The following EPSTI1 variants were observed in gnomAD, a reference collection of about 807,000 sequenced individuals.
EPSTI1 encodes the protein epithelial-stromal interaction protein 1.
In EPSTI1, 66 loss-of-function variants were observed where a neutral mutation model predicts 49.9. The ratio of observed to expected loss-of-function variants is 1.32; its 90% CI spans 1.08 to 1.62. The LOEUF (loss-of-function observed/expected upper bound fraction) is 1.62. Among genes scored for constraint, EPSTI1 ranks in the 40% most tolerant of loss-of-function variants. The pLI is 0.00. For synonymous variants in EPSTI1, 137 were observed against 130.7 expected (o/e 1.05, Z -0.33); for missense variants, 394 against 365.5 (o/e 1.08, Z -0.64).
At chr13:42,967,289 T>TAAAAAAAAAAAAAAA (rs747737457) in intron 3 of EPSTI1, among the ~76,000 whole-genome samples, 6 of 28,540 alleles carry the variant, frequency 2.1e-4, no homozygotes, top group Non-Finnish European at 3.1e-4. Context: ...AAAAATAAAT[T>TAAAAAAAAAAAAAAA]AAAAAAAAAA....
intron 6 of EPSTI1, among the ~76,000 whole-genome samples, chr13:42,949,082 T>C (rs959017184): frequency 6.6e-6 from 1 of 152,142 alleles, no homozygotes; most frequent in Non-Finnish European, 1.5e-5. Context: ...AATTCCAACC[T>C]GACTCCAGTA....
intron 7 of EPSTI1, among the ~76,000 whole-genome samples, chr13:42,921,739 A>G (rs2038002196): frequency 6.6e-6 from 1 of 152,128 alleles, no homozygotes; most frequent in African/African-American, 2.4e-5. Context: ...CCCTAGGTGA[A>G]TCCAGTGTGC....
intron 6 of EPSTI1, 98 bp from the exon 7 acceptor site, chr13:42,926,527 G>A: frequency 1.3e-6 from 1 of 770,456 alleles, no homozygotes; most frequent in South Asian, 1.4e-5. Flanking sequence ...TTTGGGTGAT[G>A]ATTAAAATTA....
intron 5 of EPSTI1, among the ~76,000 whole-genome samples, chr13:42,962,836 A>G (rs2039495654): frequency 6.6e-6 from 1 of 152,186 alleles, no homozygotes; most frequent in Non-Finnish European, 1.5e-5. Context: ...AGCGTACATT[A>G]TTGACCCATG....
In EPSTI1 at chr13:42,890,454, C is replaced by T. The variant is rs765022651; in HGVS notation, c.916-1952G>A. ...CTGGGACTACAGGAGCCCGCCACCACGCCCGGCTAATATTTTTGTGTTTTT... is the reference window on the plus strand; with the variant it reads ...CTGGGACTACAGGAGCCCGCCACCATGCCCGGCTAATATTTTTGTGTTTTT... On this transcript the variant is annotated intron_variant, in intron 10 of 10. Coordinates refer to ENST00000313624, the MANE Select transcript of EPSTI1 (RefSeq NM_033255.5). Among the ~76,000 whole-genome samples the T allele has an allele frequency of 7.3e-4, 111 of 152,008 alleles. 2 individuals carry two copies. Among genetic ancestry groups the T allele is most frequent in the Admixed American group, 2.6e-3 (39 of 15,268 alleles).
chr13:42,925,042 T>TA (rs1429089377), intron 7 of EPSTI1, among the ~76,000 whole-genome samples: 1 of 152,182 alleles, frequency 6.6e-6, no homozygotes, highest in Non-Finnish European at 1.5e-5. Flanking sequence ...TAATTACACT[T>TA]ACTTTCTTGT....
intron 8 of EPSTI1, among the ~76,000 whole-genome samples, chr13:42,915,141 T>A (rs2037794219): frequency 6.6e-6 from 1 of 152,240 alleles, no homozygotes; most frequent in African/African-American, 2.4e-5. Flanking sequence ...ATGATTAAAA[T>A]GTGTTGTGTT....
chr13:42,901,627 T>C (rs1220099350), intron 8 of EPSTI1, among the ~76,000 whole-genome samples: 1 of 152,208 alleles, frequency 6.6e-6, no homozygotes, highest in Non-Finnish European at 1.5e-5. Context: ...TTAGTACTCT[T>C]TATTAGTACT....
chr13:42,929,954 T>A (rs1433868548), intron 6 of EPSTI1, among the ~76,000 whole-genome samples: 1 of 152,202 alleles, frequency 6.6e-6, no homozygotes, highest in African/African-American at 2.4e-5. Flanking sequence ...ATGAGAATCA[T>A]CTGTGGTGCT....
chr13:42,942,381 T>C (rs1594693821), intron 6 of EPSTI1, among the ~76,000 whole-genome samples: 1 of 152,162 alleles, frequency 6.6e-6, no homozygotes, highest in African/African-American at 2.4e-5. Context: ...TTCTGCCTTT[T>C]ATTGTAAAGG....
At chr13:42,923,833 A>G (rs1272724827) in intron 7 of EPSTI1, among the ~76,000 whole-genome samples, 1 of 152,238 alleles carries the variant, frequency 6.6e-6, no homozygotes, top group Non-Finnish European at 1.5e-5. Context: ...ATTTTCTAGT[A>G]TTTATTAAAT....
intron 1 of EPSTI1, among the ~76,000 whole-genome samples, chr13:42,983,576 A>G (rs1566181767): frequency 2.0e-5 from 2 of 101,004 alleles, no homozygotes; most frequent in Admixed American, 2.0e-4. Flanking sequence ...AAAAAAAAAA[A>G]AAAAAAAAAA....
chr13:42,955,657 C>T (rs2039236311), intron 5 of EPSTI1, among the ~76,000 whole-genome samples: 1 of 151,852 alleles, frequency 6.6e-6, no homozygotes, highest in Admixed American at 6.6e-5. Flanking sequence ...TAAAAATTAG[C>T]CAGTGGTGGT....
intron 8 of EPSTI1, among the ~76,000 whole-genome samples, chr13:42,916,211 A>G (rs1053258073): frequency 1.3e-5 from 2 of 151,842 alleles, no homozygotes; most frequent in African/African-American, 2.4e-5. Context: ...TTACCATAAC[A>G]TTGCCTATTT....
rs552052580 is a variant in EPSTI1, at chr13:42,951,988, G to A, written c.563+1960C>T. ...CACTCCGTAGCTAGGATTGTAAAAC[G>A]CACCAATCAGTGCTCTGTGGCTAGC... On this transcript the variant is annotated intron_variant, in intron 6 of 10. Coordinates refer to ENST00000313624, the MANE Select transcript of EPSTI1 (RefSeq NM_033255.5). Among the ~76,000 whole-genome samples, 22 of 152,258 alleles carry A rather than the reference G, an allele frequency of 1.4e-4. No homozygotes were observed. In the South Asian group the frequency reaches 2.5e-3, roughly 17 times the overall value.
At chr13:42,907,966 T>C (rs113398340) in intron 8 of EPSTI1, among the ~76,000 whole-genome samples, 25 of 152,338 alleles carry the variant, frequency 1.6e-4, no homozygotes, top group Non-Finnish European at 2.9e-4. Context: ...AACTGATTTT[T>C]GGCAAAAGGG....
intron 6 of EPSTI1, among the ~76,000 whole-genome samples, chr13:42,948,539 T>C (rs1428335713): frequency 1.3e-5 from 2 of 151,404 alleles, no homozygotes; most frequent in Non-Finnish European, 2.9e-5. Flanking sequence ...AGTGGCGGCA[T>C]GACCATAGCT....
chr13:42,892,256 T>A (rs955870356), intron 10 of EPSTI1, among the ~76,000 whole-genome samples: 1 of 152,124 alleles, frequency 6.6e-6, no homozygotes, highest in Non-Finnish European at 1.5e-5. Context: ...GCGAAAGCCA[T>A]TGGAGGGGTA....
At chr13:42,961,573 A>G (rs1171931455) in intron 5 of EPSTI1, among the ~76,000 whole-genome samples, 1 of 152,240 alleles carries the variant, frequency 6.6e-6, no homozygotes, top group African/African-American at 2.4e-5. Flanking sequence ...TGGATACTAA[A>G]GAGCTGGTTG....
Sources: gnomAD v4.1 joint callset for allele counts (sites outside exome capture counted in the v4.1 genomes callset) on GRCh38, gnomAD v4.1.1 for gene constraint, MANE v1.5 for transcripts, NCBI Gene and HGNC (gene_info 2026-07-23, HGNC 2026-07-21) for gene names.